PLCE1: variants seen among roughly 807,000 people sequenced by gnomAD.
PLCE1 encodes the protein phospholipase C epsilon 1, also known as 1-phosphatidylinositol 4,5-bisphosphate phosphodiesterase epsilon-1.
PLCE1 carries 119 observed loss-of-function variants against 242.8 expected under a neutral mutation model. The ratio of observed to expected loss-of-function variants is 0.49; its 90% confidence interval spans 0.42 to 0.57. PLCE1 has a LOEUF of 0.57. Ranked by LOEUF, PLCE1 falls within the 20% of genes least tolerant of loss-of-function variation. The pLI is 0.00. For synonymous variants in PLCE1, 945 were observed against 1,017.4 expected, an observed-to-expected ratio of 0.93 and a Z score of 1.35; for missense variants, 2,441 against 2,788.8, an observed-to-expected ratio of 0.88 and a Z score of 2.81.
At chr10:93,998,110 T>G (rs572657011) in intron 1 of PLCE1, among the ~76,000 whole-genome samples, 153 of 152,358 alleles carry the variant, frequency 1.0e-3, no homozygotes, top group Non-Finnish European at 1.8e-3. Flanking sequence ...TGAATTCCTC[T>G]TTTCTTGTGG....
At chr10:94,154,103 A>G (rs995482680) in intron 3 of PLCE1, among the ~76,000 whole-genome samples, 10 of 152,236 alleles carry the variant, frequency 6.6e-5, no homozygotes, top group African/African-American at 2.4e-4. Context: ...AAATGTTGTG[A>G]TACAGGCATA....
At chr10:94,066,941 T>G (rs1424800107) in intron 2 of PLCE1, among the ~76,000 whole-genome samples, 4 of 152,208 alleles carry the variant, frequency 2.6e-5, no homozygotes, top group Non-Finnish European at 5.9e-5. Flanking sequence ...CTGTTCTGTC[T>G]CCATATATGA....
intron 2 of PLCE1, among the ~76,000 whole-genome samples, chr10:94,093,244 T>G (rs751224936): frequency 2.6e-5 from 4 of 152,232 alleles, no homozygotes; most frequent in Non-Finnish European, 5.9e-5. Context: ...AATCTGTATG[T>G]AAAATGTAAA....
chr10:94,062,982 C>A (rs1337313033), intron 2 of PLCE1, among the ~76,000 whole-genome samples: 1 of 152,140 alleles, frequency 6.6e-6, no homozygotes, highest in African/African-American at 2.4e-5. Flanking sequence ...TGGCACTCAC[C>A]TTCCATTGCC....
At chr10:94,310,411 A>G (rs1342438209) in intron 27 of PLCE1, among the ~76,000 whole-genome samples, 1 of 152,136 alleles carries the variant, frequency 6.6e-6, no homozygotes, top group Non-Finnish European at 1.5e-5. Flanking sequence ...TAAAAACTCC[A>G]TGTGCACAGG....
At chr10:94,192,887 G>A (rs1003055021) in intron 4 of PLCE1, among the ~76,000 whole-genome samples, 6 of 143,868 alleles carry the variant, frequency 4.2e-5, no homozygotes, top group African/African-American at 1.3e-4. Flanking sequence ...CATCTGGAAC[G>A]CACCCGCTCT....
chr10:94,019,569 A>T (rs1207415912), intron 1 of PLCE1, among the ~76,000 whole-genome samples: 2 of 152,152 alleles, frequency 1.3e-5, no homozygotes, highest in Non-Finnish European at 2.9e-5. Flanking sequence ...TTATGCGATG[A>T]TGGAAATGTT....
chr10:94,053,826 T>C (rs1446414032), intron 2 of PLCE1, among the ~76,000 whole-genome samples: 1 of 152,210 alleles, frequency 6.6e-6, no homozygotes, highest in Non-Finnish European at 1.5e-5. Context: ...AGTTGAAAAG[T>C]AGAACAGATT....
chr10:94,089,479 C>CA (rs1431478088), intron 2 of PLCE1: 4 of 786,552 alleles, frequency 5.1e-6, no homozygotes, highest in African/African-American at 3.4e-5. Context: ...AGCCAAAATA[C>CA]AATTCCTCTG....
chr10:94,263,887 T>C (rs2051407245), intron 14 of PLCE1, among the ~76,000 whole-genome samples: 1 of 152,136 alleles, frequency 6.6e-6, no homozygotes, highest in African/African-American at 2.4e-5. Flanking sequence ...CAGTAACTAT[T>C]ATAAGGAGTT....
chr10:94,274,645 C>T (rs2133186264), intron 19 of PLCE1, among the ~76,000 whole-genome samples: 1 of 152,194 alleles, frequency 6.6e-6, no homozygotes, highest in South Asian at 2.1e-4. Flanking sequence ...GTGGAGTGTG[C>T]ACGCCGTGTC....
intron 23 of PLCE1, among the ~76,000 whole-genome samples, chr10:94,295,641 A>G (rs951813010): frequency 6.6e-6 from 1 of 152,182 alleles, no homozygotes; most frequent in African/African-American, 2.4e-5. Context: ...AATTCTTTCT[A>G]GGAGGTTTTC....
chr10:94,147,219 C>A (rs1414493382), intron 3 of PLCE1, among the ~76,000 whole-genome samples: 2 of 151,968 alleles, frequency 1.3e-5, no homozygotes, highest in African/African-American at 2.4e-5. Context: ...GTCAGGAGTG[C>A]GAGACTAGCC....
intron 7 of PLCE1, among the ~76,000 whole-genome samples, chr10:94,238,653 A>C (rs1004388642): frequency 6.6e-6 from 1 of 152,198 alleles, no homozygotes; most frequent in African/African-American, 2.4e-5. Context: ...TAAATAAACT[A>C]TGCGTTTGTA....
intron 2 of PLCE1, 71 bp downstream of exon 2, chr10:94,032,323 CA>C (rs1301618653): frequency 5.8e-6 from 8 of 1,377,310 alleles, no homozygotes; most frequent in Non-Finnish European, 6.2e-6. Flanking sequence ...TCCAAATTTC[CA>C]TTGTCATAAT....
chr10:94,224,271 G>A (rs1262803754), intron 4 of PLCE1, among the ~76,000 whole-genome samples: 1 of 152,318 alleles, frequency 6.6e-6, no homozygotes, highest in African/African-American at 2.4e-5. Flanking sequence ...AGCATTGTGG[G>A]AAAGTATATG....
chr10:94,271,441 A>C (rs2051732150), intron 18 of PLCE1, among the ~76,000 whole-genome samples: 1 of 149,400 alleles, frequency 6.7e-6, no homozygotes, highest in African/African-American at 2.5e-5. Flanking sequence ...CAGCCTCCTG[A>C]GTAGCTGGGA....
intron 2 of PLCE1, among the ~76,000 whole-genome samples, chr10:94,071,341 T>G (rs1030632249): frequency 6.6e-6 from 1 of 152,082 alleles, no homozygotes; most frequent in African/African-American, 2.4e-5. Flanking sequence ...AGGAGTTCAT[T>G]ACCTCACTTC....
intron 24 of PLCE1, among the ~76,000 whole-genome samples, chr10:94,299,496 G>T (rs1469317356): frequency 6.6e-6 from 1 of 152,212 alleles, no homozygotes; most frequent in South Asian, 2.1e-4. Flanking sequence ...ACTTGGTTAT[G>T]GGGGAGGAGA....
Sources: allele counts gnomAD v4.1 joint callset (sites outside exome capture counted in the v4.1 genomes callset), GRCh38; gene constraint gnomAD v4.1.1; transcripts MANE v1.5; gene names NCBI Gene and HGNC (gene_info 2026-07-23, HGNC 2026-07-21).